Variants in MACROD1 observed in about 807,000 individuals in gnomAD.
MACROD1 encodes the protein mono-ADP ribosylhydrolase 1.
A neutral mutation model predicts 41.4 loss-of-function variants in MACROD1; 31 were observed. The ratio of observed to expected loss-of-function variants is 0.75; its 90% confidence interval spans 0.56 to 1.01. The LOEUF is 1.01. Among genes scored for constraint, MACROD1 ranks in the 50% least tolerant of loss-of-function variants. MACROD1 has a pLI of 0.00. For synonymous variants in MACROD1, 252 were observed against 203.4 expected (o/e 1.24, Z -2.03); for missense variants, 473 against 460.0 (o/e 1.03, Z -0.26).
rs973656860 is a variant in MACROD1, at chr11:63,998,668, G to A, written c.*50C>T. 7.5e-7 allele frequency: 1 copy of A among 1,337,422 alleles called. No homozygotes were observed. The highest frequency in any genetic ancestry group is 9.5e-7 in the Non-Finnish European group (1 of 1,047,834). The allele number at this position is 1,337,422 out of a possible 1,614,324, so 82.8% of individuals were successfully genotyped here. ...CTTTGGCGACCTCTCAGAGCTGGGA[G>A]CGGGGTCCCGAAGGCGGGTCTGAGG... On this transcript the variant is annotated 3_prime_UTR_variant, in exon 11 of 11. Transcript: ENST00000255681.
At chr11:64,132,811 G>C (rs751794820) in intron 3 of MACROD1, among the ~76,000 whole-genome samples, 1 of 152,318 alleles carries the variant, frequency 6.6e-6, no homozygotes, top group East Asian at 1.9e-4. Flanking sequence ...GGTGCCAGGC[G>C]CCAGGCATCT....
chr11:64,086,174 A>G (rs1230141731), intron 3 of MACROD1, among the ~76,000 whole-genome samples: 2 of 152,140 alleles, frequency 1.3e-5, no homozygotes, highest in East Asian at 3.9e-4. Flanking sequence ...GGGACTCAAC[A>G]GTGGGATCCC....
intron 3 of MACROD1, among the ~76,000 whole-genome samples, chr11:64,129,439 G>A (rs773736833): frequency 1.3e-5 from 2 of 152,230 alleles, no homozygotes; most frequent in South Asian, 2.1e-4. Flanking sequence ...CGGCTGTGAC[G>A]GAGCCTCTGT....
chr11:64,018,360 C>G (rs1372092689), intron 3 of MACROD1, among the ~76,000 whole-genome samples: 1 of 152,194 alleles, frequency 6.6e-6, no homozygotes, highest in Non-Finnish European at 1.5e-5. Context: ...TTCCCTGGGC[C>G]CCCGTTCTGG....
intron 3 of MACROD1, among the ~76,000 whole-genome samples, chr11:64,149,361 A>T (rs1945541756): frequency 6.6e-6 from 1 of 152,142 alleles, no homozygotes; most frequent in Non-Finnish European, 1.5e-5. Flanking sequence ...GACACAGAGA[A>T]GGGGAGTCCA....
chr11:64,073,135 C>T (rs1944139588), intron 3 of MACROD1, among the ~76,000 whole-genome samples: 1 of 152,232 alleles, frequency 6.6e-6, no homozygotes, highest in South Asian at 2.1e-4. Flanking sequence ...GGGACCCCCA[C>T]CGTGGGTTTC....
intron 4 of MACROD1, chr11:64,001,336 C>G: frequency 1.5e-6 from 1 of 668,012 alleles, no homozygotes; most frequent in South Asian, 1.6e-5. Context: ...GCGTGCTGGC[C>G]GGGAGGACAG....
rs1367444132 is a variant in MACROD1 at position 64,020,244 on chromosome 11, A to C, written c.518-4963T>G. 4.6e-5 allele frequency among the ~76,000 whole-genome samples: 7 copies of C among 152,324 alleles called. No individual in the cohort carries two copies. The South Asian group carries it at 1.5e-3, about 32-fold the overall frequency. ...CAGGCTGGGTAAGCTTGGTGCATGC[A>C]CAGCTCATTTAATCCTTTCCCTGTC... On this transcript the variant is annotated intron_variant, in intron 3 of 10. Transcript: ENST00000255681.
intron 1 of MACROD1, among the ~76,000 whole-genome samples, chr11:64,158,902 T>G (rs1046304387): frequency 1.3e-5 from 2 of 151,984 alleles, no homozygotes; most frequent in Admixed American, 6.6e-5. Flanking sequence ...TTAGAGAAAG[T>G]AGGACGGGCA....
At chr11:64,022,867 ATTTTTTT>A (rs922794608) in intron 3 of MACROD1, among the ~76,000 whole-genome samples, 54 of 90,780 alleles carry the variant, frequency 5.9e-4, no homozygotes, top group African/African-American at 2.1e-3. Context: ...TTCCACATGG[ATTTTTTT>A]TTTTTTTTTT....
At chr11:64,133,024 G>T (rs1198124625) in intron 3 of MACROD1, among the ~76,000 whole-genome samples, 1 of 152,162 alleles carries the variant, frequency 6.6e-6, no homozygotes, top group African/African-American at 2.4e-5. Flanking sequence ...CAGGCTGAGG[G>T]TCAGTGAGCT....
rs1162673256 is a variant in MACROD1 at position 64,143,309 on chromosome 11, G to A, written c.517+7930C>T. On this transcript the variant is annotated intron_variant, in intron 3 of 10. Coordinates refer to ENST00000255681, the MANE Select transcript of MACROD1 (RefSeq NM_014067.4). ...CCAGCCCTGCCTTTTACCCAGAGCC[G>A]TGACCTGTGGGTGCCTCAGTGTCCT... Among the ~76,000 whole-genome samples, 8 of 152,172 alleles carry A rather than the reference G, an allele frequency of 5.3e-5. No homozygotes were observed. The South Asian group carries it at 1.2e-3, about 24-fold the overall frequency.
chr11:64,132,559 G>A (rs955268347), intron 3 of MACROD1, among the ~76,000 whole-genome samples: 3 of 152,172 alleles, frequency 2.0e-5, no homozygotes, highest in Admixed American at 6.5e-5. Context: ...CCCAGTCAGC[G>A]GCTCCTCGGG....
At chr11:64,130,847 T>C (rs950512103) in intron 3 of MACROD1, among the ~76,000 whole-genome samples, 15 of 152,124 alleles carry the variant, frequency 9.9e-5, no homozygotes, top group African/African-American at 3.1e-4. Flanking sequence ...ACAGCACAAA[T>C]GAAATCCTGC....
chr11:64,102,717 G>A (rs927396666), intron 3 of MACROD1, among the ~76,000 whole-genome samples: 3 of 152,180 alleles, frequency 2.0e-5, no homozygotes, highest in Non-Finnish European at 4.4e-5. Context: ...AGAGGCAGGA[G>A]ATAGGGAGAA....
rs559384254 is a variant in MACROD1 at position 64,130,826 on chromosome 11, A to G, written c.517+20413T>C. 3.9e-5 allele frequency among the ~76,000 whole-genome samples: 6 copies of G among 152,314 alleles called. No individual in the cohort carries two copies. The South Asian group carries it at 1.2e-3, about 32-fold the overall frequency. ...GCGGCAAAGTAAACAGGCTCTCTGG[A>G]GTGCTAACTGACAGCACAAATGAAA... On this transcript the variant is annotated intron_variant, in intron 3 of 10. Transcript: ENST00000255681.
At chr11:64,027,545 A>G (rs1943238091) in intron 3 of MACROD1, among the ~76,000 whole-genome samples, 1 of 152,158 alleles carries the variant, frequency 6.6e-6, no homozygotes, top group Non-Finnish European at 1.5e-5. Context: ...GTCTATGAAG[A>G]CACAGTGGTA....
intron 3 of MACROD1, among the ~76,000 whole-genome samples, chr11:64,053,655 G>T (rs998608474): frequency 1.3e-5 from 2 of 152,160 alleles, no homozygotes; most frequent in African/African-American, 4.8e-5. Flanking sequence ...GGCTCAGCGG[G>T]GTCCTCAGCA....
rs1333029579 is a variant in MACROD1, at chr11:64,123,537, GT to G, written c.517+27701del. On this transcript the variant is annotated intron_variant, in intron 3 of 10. Transcript: ENST00000255681. ...GACTTTCTGGGCCTCGATGGGTGGG[GT>G]GGGGGGGTTGGGGGTGCAAGATGGG... 2.9e-3 allele frequency among the ~76,000 whole-genome samples: 400 copies of G among 138,486 alleles called. 18 individuals are homozygous for G. Among genetic ancestry groups the G allele is most frequent in the South Asian group, 0.023 (85 of 3,752 alleles). The allele number at this position is 138,486 out of a possible 152,430, so 90.9% of individuals were successfully genotyped here. A position where few individuals can be genotyped will look rare whatever the true frequency, so the allele number is the denominator to read the frequency against.
Sources: gnomAD v4.1 joint callset for allele counts (sites outside exome capture counted in the v4.1 genomes callset) on GRCh38, gnomAD v4.1.1 for gene constraint, MANE v1.5 for transcripts, NCBI Gene and HGNC (gene_info 2026-07-23, HGNC 2026-07-21) for gene names.